The following SLC35F1 variants were observed in gnomAD, a reference collection of about 807,000 sequenced individuals.
SLC35F1 encodes solute carrier family 35 member F1.
Under a neutral mutation model 48.7 loss-of-function variants are expected in SLC35F1, and 14 were observed. The observed-to-expected ratio is 0.29, with a 90% CI of 0.19 to 0.45. The LOEUF is 0.45. Ranked by LOEUF, SLC35F1 falls within the 20% of genes least tolerant of loss-of-function variation. SLC35F1 has a pLI of 1.00. For missense variants in SLC35F1, 404 were observed against 500.0 expected, an observed-to-expected ratio of 0.81 and a Z score of 1.83; for synonymous variants, 190 against 202.2, an observed-to-expected ratio of 0.94 and a Z score of 0.51.
chr6:118,293,062 T>C (rs539349667), intron 7 of SLC35F1, among the ~76,000 whole-genome samples: 11 of 152,234 alleles, frequency 7.2e-5, no homozygotes, highest in Admixed American at 2.6e-4. Context: ...GGCTTTTCCA[T>C]TGGAGGGTGT....
chr6:118,294,628 C>CA, intron 7 of SLC35F1, among the ~76,000 whole-genome samples: 1 of 152,034 alleles, frequency 6.6e-6, no homozygotes, highest in Non-Finnish European at 1.5e-5. Context: ...AACTAATAGA[C>CA]AAAAATGAAC....
At chr6:118,211,364 C>A (rs1429173945) in intron 2 of SLC35F1, among the ~76,000 whole-genome samples, 3 of 152,146 alleles carry the variant, frequency 2.0e-5, no homozygotes, top group African/African-American at 7.2e-5. Context: ...AACTCTCCTC[C>A]CAGACCATAA....
intron 2 of SLC35F1, among the ~76,000 whole-genome samples, chr6:118,213,167 G>A (rs1160414703): frequency 6.6e-6 from 1 of 152,094 alleles, no homozygotes; most frequent in African/African-American, 2.4e-5. Flanking sequence ...CTCTCACTAA[G>A]CTTTTAATTA....
intron 2 of SLC35F1, among the ~76,000 whole-genome samples, chr6:118,199,150 G>A (rs929428984): frequency 1.3e-5 from 2 of 152,184 alleles, no homozygotes; most frequent in East Asian, 3.9e-4. Flanking sequence ...AGGACATCCT[G>A]TTCTAGGAAG....
At chr6:118,274,213 C>T (rs1215875878) in intron 4 of SLC35F1, among the ~76,000 whole-genome samples, 1 of 152,110 alleles carries the variant, frequency 6.6e-6, no homozygotes, top group East Asian at 1.9e-4. Flanking sequence ...CTGACTTATG[C>T]AGGACAGAGC....
Position 118,021,169 on chromosome 6 carries a change from CTG to C in SLC35F1, c.173+113271_173+113272del, listed in dbSNP as rs1445437757. Among the ~76,000 whole-genome samples the C allele has an allele frequency of 5.3e-5, 8 of 152,084 alleles. No individual in the cohort carries two copies. In the South Asian group the frequency reaches 1.7e-3, roughly 32 times the overall value. ...CCTCGCCTCAGGGGAGGGGAAGGCT[CTG>C]GGGATTGAGATAAAAGGGCAGATCA... On this transcript the variant is annotated intron_variant, in intron 1 of 7. Coordinates refer to ENST00000360388, the MANE Select transcript of SLC35F1 (RefSeq NM_001029858.4).
At chr6:117,947,436 G>T (rs1776309153) in intron 1 of SLC35F1, among the ~76,000 whole-genome samples, 1 of 152,096 alleles carries the variant, frequency 6.6e-6, no homozygotes, top group Non-Finnish European at 1.5e-5. Context: ...AGTCATTTGG[G>T]GGATTTTTTA....
intron 2 of SLC35F1, among the ~76,000 whole-genome samples, chr6:118,158,146 T>G (rs1774172794): frequency 6.6e-6 from 1 of 152,224 alleles, no homozygotes; most frequent in African/African-American, 2.4e-5. Context: ...TTGCCTCAGA[T>G]CCTCACTAAG....
chr6:118,308,950 G>A (rs1331634661), intron 7 of SLC35F1, among the ~76,000 whole-genome samples: 1 of 152,140 alleles, frequency 6.6e-6, no homozygotes, highest in Non-Finnish European at 1.5e-5. Flanking sequence ...GAGCTACGGT[G>A]TGAAATATTT....
At chr6:117,921,522 T>A (rs948285356) in intron 1 of SLC35F1, among the ~76,000 whole-genome samples, 2 of 152,244 alleles carry the variant, frequency 1.3e-5, no homozygotes, top group Admixed American at 6.5e-5. Context: ...ATATAAAAAA[T>A]TTCTCCTTGT....
intron 3 of SLC35F1, among the ~76,000 whole-genome samples, chr6:118,259,729 G>C (rs751886532): frequency 6.6e-6 from 1 of 151,594 alleles, no homozygotes; most frequent in Non-Finnish European, 1.5e-5. Context: ...AGTAACAAAT[G>C]TTGATAGGAT....
intron 1 of SLC35F1, among the ~76,000 whole-genome samples, chr6:118,120,388 T>C (rs1174886677): frequency 1.3e-5 from 2 of 152,226 alleles, no homozygotes; most frequent in African/African-American, 2.4e-5. Context: ...TGAGAACATA[T>C]GTTATTTTTA....
rs752541790 is a variant in SLC35F1 at position 118,314,166 on chromosome 6, C to A, written c.1141C>A (p.Pro381Thr). 2 of 1,614,054 alleles carry A rather than the reference C, an allele frequency of 1.2e-6. No individual in the cohort carries two copies. The highest frequency in any genetic ancestry group is 2.7e-5 in the African/African-American group (2 of 74,926). The change falls in exon 8 of 8, where the codon CCG (proline) becomes ACG (threonine). Residue 381 changes from proline (P) to threonine (T), a missense_variant. Coordinates refer to ENST00000360388, the MANE Select transcript of SLC35F1 (RefSeq NM_001029858.4). ...TCCTTCAGGACCTGTTGTGGACTTA[C>A]CGACCACAGCTCAGGTGGAACCCTC... is the stretch of plus-strand genomic sequence containing the variant. Reference protein sequence around the residue: ...RNPSGPVVDLPTTAQVEPSVT... With the variant: ...RNPSGPVVDLTTTAQVEPSVT...
At chr6:117,988,118 A>G (rs930999621) in intron 1 of SLC35F1, among the ~76,000 whole-genome samples, 7 of 152,168 alleles carry the variant, frequency 4.6e-5, no homozygotes, top group Admixed American at 2.0e-4. Context: ...CCACAAAGCC[A>G]GGGATTGTGT....
chr6:118,064,280 A>G (rs922483778), intron 1 of SLC35F1, among the ~76,000 whole-genome samples: 6 of 152,182 alleles, frequency 3.9e-5, no homozygotes, highest in Non-Finnish European at 7.3e-5. Context: ...GAAATTCAAG[A>G]TGAGATTTGG....
intron 4 of SLC35F1, among the ~76,000 whole-genome samples, chr6:118,270,676 T>C (rs1026890817): frequency 3.3e-5 from 5 of 152,214 alleles, no homozygotes; most frequent in Admixed American, 2.6e-4. Flanking sequence ...TGGCTCCATG[T>C]CAGCAGTATA....
At chr6:117,985,884 G>A (rs537520799) in intron 1 of SLC35F1, among the ~76,000 whole-genome samples, 15 of 152,288 alleles carry the variant, frequency 9.8e-5, no homozygotes, top group African/African-American at 3.4e-4. Flanking sequence ...TATCGCTAAC[G>A]TGAATGAAAA....
chr6:118,065,708 G>A (rs1485932666), intron 1 of SLC35F1, among the ~76,000 whole-genome samples: 1 of 152,138 alleles, frequency 6.6e-6, no homozygotes, highest in Non-Finnish European at 1.5e-5. Flanking sequence ...AAATTTAATG[G>A]AATTTTGTTT....
At chr6:118,056,254 T>C (rs1772460916) in intron 1 of SLC35F1, among the ~76,000 whole-genome samples, 1 of 152,218 alleles carries the variant, frequency 6.6e-6, no homozygotes, top group Admixed American at 6.5e-5. Flanking sequence ...AATTTAAATT[T>C]GTATATCATT....
Sources: allele counts gnomAD v4.1 joint callset (sites outside exome capture counted in the v4.1 genomes callset), GRCh38; gene constraint gnomAD v4.1.1; transcripts MANE v1.5; gene names NCBI Gene and HGNC (gene_info 2026-07-23, HGNC 2026-07-21).